The following CFAP95 variants were observed in gnomAD, a reference collection of about 807,000 sequenced individuals.
The protein encoded by CFAP95 is cilia- and flagella-associated protein 95.
the CFAP95 span, among the ~76,000 whole-genome samples, chr9:69,831,028 G>A: frequency 6.6e-6 from 1 of 152,020 alleles, no homozygotes; most frequent in Non-Finnish European, 1.5e-5. Flanking sequence ...ATACAATTAT[G>A]TTTTAGTTAT....
chr9:69,874,787 G>A, the CFAP95 span, among the ~76,000 whole-genome samples: 4 of 152,182 alleles, frequency 2.6e-5, no homozygotes, highest in African/African-American at 7.2e-5. Context: ...TTGGACCTAA[G>A]AGCCACGAGT....
the CFAP95 span, among the ~76,000 whole-genome samples, chr9:69,823,846 C>A: frequency 3.9e-5 from 6 of 152,218 alleles, no homozygotes; most frequent in South Asian, 2.1e-4. Flanking sequence ...AGTGGTGGAG[C>A]TTTTTGAGCC....
chr9:69,902,152 T>C, the CFAP95 span: 1 of 336,854 alleles, frequency 3.0e-6, no homozygotes, highest in Non-Finnish European at 5.8e-6. Context: ...CAAAGGGACT[T>C]TGCCTGATTA....
chr9:69,905,525 G>A, the CFAP95 span, among the ~76,000 whole-genome samples: 542 of 152,278 alleles, frequency 3.6e-3, 2 homozygotes, highest in African/African-American at 0.013. Flanking sequence ...AGTGTCATGG[G>A]AAGTATGACT....
chr9:69,869,837 A>C, the CFAP95 span, among the ~76,000 whole-genome samples: 303 of 152,196 alleles, frequency 2.0e-3, 1 homozygote, highest in Non-Finnish European at 2.1e-3. Context: ...TCCCATGTAT[A>C]TTAATAAAGA....
At chr9:69,881,341 A>G in the CFAP95 span, among the ~76,000 whole-genome samples, 1 of 152,174 alleles carries the variant, frequency 6.6e-6, no homozygotes, top group East Asian at 1.9e-4. Flanking sequence ...TGATTTCTGT[A>G]TATGGTGAGA....
chr9:69,893,433 A>T, the CFAP95 span, among the ~76,000 whole-genome samples: 1 of 152,230 alleles, frequency 6.6e-6, no homozygotes, highest in African/African-American at 2.4e-5. Context: ...CAGGGTGAAG[A>T]TTCTATAGAA....
chr9:69,849,203 G>A, the CFAP95 span, among the ~76,000 whole-genome samples: 27 of 152,006 alleles, frequency 1.8e-4, no homozygotes, highest in Non-Finnish European at 2.9e-5. Context: ...AAAGTGGGGA[G>A]TTTGGTCTAT....
chr9:69,883,067 C>A, the CFAP95 span, among the ~76,000 whole-genome samples: 2 of 152,148 alleles, frequency 1.3e-5, no homozygotes, highest in Non-Finnish European at 2.9e-5. Context: ...GTGAAGCCCT[C>A]ATGTCCTGGG....
chr9:69,906,078 A>C, the CFAP95 span: 3 of 1,613,002 alleles, frequency 1.9e-6, no homozygotes, highest in Admixed American at 5.0e-5. Flanking sequence ...ATTTATGCTA[A>C]TTCAGATGTA....
At chr9:69,889,533 T>C in the CFAP95 span, among the ~76,000 whole-genome samples, 1 of 152,216 alleles carries the variant, frequency 6.6e-6, no homozygotes, top group South Asian at 2.1e-4. Context: ...TCCTGTGATT[T>C]CATTCTCAGC....
chr9:69,846,902 C>T, the CFAP95 span, among the ~76,000 whole-genome samples: 1 of 152,182 alleles, frequency 6.6e-6, no homozygotes, highest in Non-Finnish European at 1.5e-5. Context: ...TCCTTAAAGA[C>T]AAGGGACTGA....
At chr9:69,901,906 C>T in the CFAP95 span, among the ~76,000 whole-genome samples, 2 of 152,136 alleles carry the variant, frequency 1.3e-5, no homozygotes, top group East Asian at 3.9e-4. Context: ...TGGTATCTCA[C>T]TGTGGTTTTG....
chr9:69,833,540 T>A, the CFAP95 span, among the ~76,000 whole-genome samples: 2 of 152,146 alleles, frequency 1.3e-5, no homozygotes, highest in South Asian at 2.1e-4. Flanking sequence ...TTTTCCATTG[T>A]TTCCGGTGAA....
At chr9:69,860,155 A>G in the CFAP95 span, among the ~76,000 whole-genome samples, 2 of 152,214 alleles carry the variant, frequency 1.3e-5, no homozygotes, top group Non-Finnish European at 2.9e-5. Context: ...TTGCATTGCT[A>G]TAAAGGAATA....
the CFAP95 span, among the ~76,000 whole-genome samples, chr9:69,842,072 A>G: frequency 1.3e-5 from 2 of 152,192 alleles, no homozygotes; most frequent in African/African-American, 4.8e-5. Context: ...CCAAGCCCAG[A>G]GTGCTGGAGA....
At chr9:69,895,369 C>CTCTCTCTGTGTGTGTGTG in the CFAP95 span, among the ~76,000 whole-genome samples, 186 of 107,882 alleles carry the variant, frequency 1.7e-3, 1 homozygote, top group Non-Finnish European at 2.6e-3. Flanking sequence ...CTCTCTCTCT[C>CTCTCTCTGTGTGTGTGTG]TGTGTGTGTG....
the CFAP95 span, among the ~76,000 whole-genome samples, chr9:69,836,377 G>A: frequency 1.3e-4 from 20 of 152,114 alleles, no homozygotes; most frequent in African/African-American, 4.3e-4. Flanking sequence ...ATGTTTAGCA[G>A]CATCGCTGTC....
chr9:69,834,143 C>T, the CFAP95 span, among the ~76,000 whole-genome samples: 1 of 152,156 alleles, frequency 6.6e-6, no homozygotes, highest in African/African-American at 2.4e-5. Flanking sequence ...CATGTCACTC[C>T]ATGCCAGGTA....
Sources: gnomAD v4.1 joint callset for allele counts (sites outside exome capture counted in the v4.1 genomes callset) on GRCh38, gnomAD v4.1.1 for gene constraint, MANE v1.5 for transcripts, NCBI Gene and HGNC (gene_info 2026-07-23, HGNC 2026-07-21) for gene names.